SBF2: variants seen among roughly 807,000 people sequenced by gnomAD.
SBF2 encodes the protein myotubularin-related protein 13.
In SBF2, 112 loss-of-function variants were observed where a neutral mutation model predicts 225.2. The observed-to-expected ratio is 0.50, with a 90% confidence interval of 0.43 to 0.58. The LOEUF (loss-of-function observed/expected upper bound fraction) is 0.58, where lower values mean the gene tolerates loss of function less well. Among genes scored for constraint, SBF2 ranks in the 20% least tolerant of loss-of-function variants. SBF2 has a pLI of 0.00. For missense variants in SBF2, 1,996 were observed against 2,206.2 expected, an observed-to-expected ratio of 0.90 and a Z score of 1.91; for synonymous variants, 763 against 773.3, an observed-to-expected ratio of 0.99 and a Z score of 0.22.
intron 13 of SBF2, among the ~76,000 whole-genome samples, chr11:9,975,770 C>T (rs564648614): frequency 6.6e-6 from 1 of 152,238 alleles, no homozygotes; most frequent in African/African-American, 2.4e-5. Flanking sequence ...ATGTCTATGT[C>T]TTGACTCTCT....
intron 1 of SBF2, among the ~76,000 whole-genome samples, chr11:10,230,843 T>C (rs1329553724): frequency 6.6e-6 from 1 of 152,108 alleles, no homozygotes; most frequent in African/African-American, 2.4e-5. Context: ...TTTCCTGAAT[T>C]TGAATGTTGG....
At chr11:9,944,057 C>T (rs1865431383) in intron 16 of SBF2, among the ~76,000 whole-genome samples, 1 of 152,152 alleles carries the variant, frequency 6.6e-6, no homozygotes, top group Admixed American at 6.5e-5. Flanking sequence ...CATGAAGCAA[C>T]ATGTATGAAT....
chr11:9,808,390 A>C (rs1853972594), intron 31 of SBF2: 1 of 605,068 alleles, frequency 1.7e-6, no homozygotes, highest in African/African-American at 1.8e-5. Flanking sequence ...TTTTGGCTAC[A>C]AGTTTACTTT....
intron 32 of SBF2, among the ~76,000 whole-genome samples, chr11:9,804,220 G>C (rs1853658027): frequency 6.6e-6 from 1 of 152,196 alleles, no homozygotes; most frequent in African/African-American, 2.4e-5. Context: ...ACTGAAAATA[G>C]CATGGAAAAA....
intron 16 of SBF2, among the ~76,000 whole-genome samples, chr11:9,896,788 C>CA (rs34465991): frequency 0.046 from 4,340 of 95,080 alleles, 80 homozygotes; most frequent in African/African-American, 0.09. Context: ...GACTCCGTCT[C>CA]AAAAAAAAAA....
At chr11:9,910,631 T>A (rs185545977) in intron 16 of SBF2, among the ~76,000 whole-genome samples, 1 of 152,024 alleles carries the variant, frequency 6.6e-6, no homozygotes, top group Admixed American at 6.6e-5. Context: ...ATATGGATGA[T>A]CCTGACCCTG....
intron 1 of SBF2, among the ~76,000 whole-genome samples, chr11:10,225,923 T>A (rs930181999): frequency 2.8e-4 from 42 of 152,230 alleles, no homozygotes; most frequent in Admixed American, 2.6e-3. Context: ...TAGCAGTATG[T>A]TTTTCAAAGT....
chr11:9,877,549 C>T (rs988108150), intron 17 of SBF2, among the ~76,000 whole-genome samples: 1 of 152,002 alleles, frequency 6.6e-6, no homozygotes, highest in East Asian at 1.9e-4. Flanking sequence ...CTACCCCAAT[C>T]CCCAACCCCC....
At chr11:10,042,659 T>C (rs1949696065) in intron 3 of SBF2, among the ~76,000 whole-genome samples, 185 bp downstream of exon 3, 1 of 152,232 alleles carries the variant, frequency 6.6e-6, no homozygotes, top group African/African-American at 2.4e-5. Flanking sequence ...AAAAGGACAA[T>C]TAAATCTGGA....
intron 16 of SBF2, among the ~76,000 whole-genome samples, chr11:9,946,436 T>TC (rs1865565418): frequency 6.9e-6 from 1 of 145,684 alleles, no homozygotes; most frequent in Non-Finnish European, 1.5e-5. Context: ...TATATTTCTT[T>TC]TTTTCTTTCT....
At chr11:9,976,142 C>T (rs1024764630) in intron 13 of SBF2, among the ~76,000 whole-genome samples, 19 of 146,666 alleles carry the variant, frequency 1.3e-4, no homozygotes, top group Admixed American at 6.2e-4. Context: ...GACGTGATCT[C>T]GGCTCACTGC....
intron 26 of SBF2, among the ~76,000 whole-genome samples, chr11:9,833,083 G>C (rs1855492555): frequency 6.6e-6 from 1 of 152,146 alleles, no homozygotes; most frequent in South Asian, 2.1e-4. Flanking sequence ...TGACATTAGA[G>C]AATACAGCAT....
At chr11:10,148,947 C>T (rs1955024832) in intron 2 of SBF2, among the ~76,000 whole-genome samples, 2 of 152,046 alleles carry the variant, frequency 1.3e-5, no homozygotes, top group Admixed American at 6.6e-5. Context: ...TGTTATCTCC[C>T]GTGGCCACAT....
chr11:9,812,409 T>C, intron 30 of SBF2, 123 bp downstream of exon 30: 2 of 1,022,426 alleles, frequency 2.0e-6, no homozygotes, highest in Non-Finnish European at 1.5e-6. Context: ...TGGCACACAA[T>C]GAAGGAGGAG....
intron 1 of SBF2, among the ~76,000 whole-genome samples, chr11:10,243,862 C>A (rs979595359): frequency 6.6e-6 from 1 of 151,968 alleles, no homozygotes; most frequent in Non-Finnish European, 1.5e-5. Context: ...ATAAATTCTA[C>A]CAAACATTTA....
At position 10,137,315 on chromosome 11, in the gene SBF2, T is replaced by A. The variant is rs1954420666; in HGVS notation, c.141+56587A>T. Among the ~76,000 whole-genome samples, 3 of 152,356 alleles carry A rather than the reference T, an allele frequency of 2.0e-5. No individual in the cohort carries two copies. In the South Asian group the frequency reaches 6.2e-4, roughly 32 times the overall value. On this transcript the variant is annotated intron_variant, in intron 2 of 39. Transcript: ENST00000256190. The stretch of plus-strand genomic sequence containing the variant: ...TTTTTGTGTACTCTTTGGAATTGTC[T>A]ATACACATAATGATGTCAACTACAA...
Position 9,917,704 on chromosome 11 carries a change from CTT to C in SBF2, c.1861-21695_1861-21694del, listed in dbSNP as rs1229434076. On this transcript the variant is annotated intron_variant, in intron 16 of 39. Transcript: ENST00000256190. ...ACTTTTTTTTTTCATCTTCAGATCTCTTCTTATGGTACGTGCCTTCCTGAGGT... is the reference window on the plus strand; with the variant it reads ...ACTTTTTTTTTTCATCTTCAGATCTCCTTATGGTACGTGCCTTCCTGAGGT... Among the ~76,000 whole-genome samples the C allele has an allele frequency of 2.7e-5, 4 of 150,892 alleles. No homozygotes were observed. In the East Asian group the frequency reaches 7.7e-4, roughly 29 times the overall value.
chr11:10,138,894 A>T (rs1174185842), intron 2 of SBF2, among the ~76,000 whole-genome samples: 1 of 152,152 alleles, frequency 6.6e-6, no homozygotes, highest in East Asian at 1.9e-4. Context: ...AAAACACTGT[A>T]TTCTGCTATT....
At chr11:9,968,117 C>G (rs1034927907) in intron 14 of SBF2, among the ~76,000 whole-genome samples, 2 of 151,490 alleles carry the variant, frequency 1.3e-5, no homozygotes, top group Admixed American at 1.3e-4. Context: ...CTCAATAAAG[C>G]TGTTATTAAA....
Sources: gnomAD v4.1 joint callset for allele counts (sites outside exome capture counted in the v4.1 genomes callset) on GRCh38, gnomAD v4.1.1 for gene constraint, MANE v1.5 for transcripts, NCBI Gene and HGNC (gene_info 2026-07-23, HGNC 2026-07-21) for gene names.